NALCN: variants seen among roughly 807,000 people sequenced by gnomAD.
NALCN encodes sodium leak channel NALCN.
NALCN carries 111 observed loss-of-function variants against 225.3 expected under a neutral mutation model. The ratio of observed to expected loss-of-function variants is 0.49; its 90% confidence interval spans 0.42 to 0.58. The LOEUF (loss-of-function observed/expected upper bound fraction) is 0.58. NALCN is among the 20% of genes least tolerant of loss of function. NALCN has a pLI of 0.00. For missense variants in NALCN, 1,378 were observed against 2,202.4 expected (o/e 0.63, Z 7.49); for synonymous variants, 764 against 769.0 (o/e 0.99, Z 0.11).
At chr13:101,156,282 T>C (rs1188415921) in intron 15 of NALCN, among the ~76,000 whole-genome samples, 2 of 152,180 alleles carry the variant, frequency 1.3e-5, no homozygotes, top group Non-Finnish European at 2.9e-5. Context: ...AATTCAGCTC[T>C]AAAGCCAGCC....
At chr13:101,066,077 G>A (rs2032361664) in intron 39 of NALCN, among the ~76,000 whole-genome samples, 1 of 152,132 alleles carries the variant, frequency 6.6e-6, no homozygotes, top group South Asian at 2.1e-4. Context: ...TGTAATCTCA[G>A]CACTTTGGGA....
chr13:101,224,579 G>C (rs1300332281), intron 13 of NALCN, among the ~76,000 whole-genome samples: 1 of 152,080 alleles, frequency 6.6e-6, no homozygotes, highest in African/African-American at 2.4e-5. Context: ...GCTTATCGCT[G>C]TCTTCCTCAG....
intron 17 of NALCN, among the ~76,000 whole-genome samples, chr13:101,142,393 C>T (rs2037130711): frequency 1.3e-5 from 2 of 152,118 alleles, no homozygotes; most frequent in Admixed American, 6.5e-5. Flanking sequence ...CCACCCGCCT[C>T]GGCCTCCCAA....
intron 9 of NALCN, among the ~76,000 whole-genome samples, chr13:101,290,507 G>A (rs148654979): frequency 4.1e-4 from 63 of 152,258 alleles, no homozygotes; most frequent in African/African-American, 1.5e-3. Context: ...TTTCTTGAAG[G>A]CTTTTCTACA....
At chr13:101,126,527 C>G (rs923506700) in intron 17 of NALCN, among the ~76,000 whole-genome samples, 1 of 149,038 alleles carries the variant, frequency 6.7e-6, no homozygotes, top group Non-Finnish European at 1.5e-5. Flanking sequence ...TAGTCTTGCT[C>G]TGCCATCCAG....
chr13:101,265,390 G>A (rs889747980), intron 10 of NALCN, among the ~76,000 whole-genome samples: 1 of 152,118 alleles, frequency 6.6e-6, no homozygotes, highest in African/African-American at 2.4e-5. Context: ...GTGTCCAAAA[G>A]TGTAATGAGA....
At chr13:101,095,757 T>G in intron 27 of NALCN, 77 bp from the exon 28 acceptor site, 2 of 1,222,302 alleles carry the variant, frequency 1.6e-6, no homozygotes, top group Non-Finnish European at 2.3e-6. Context: ...TAGGAAACTC[T>G]TTCTTCTTTC....
chr13:101,308,449 G>C (rs557271402), intron 7 of NALCN, among the ~76,000 whole-genome samples: 11 of 152,206 alleles, frequency 7.2e-5, no homozygotes, highest in Non-Finnish European at 7.3e-5. Context: ...GTTTGGCAGA[G>C]ATGCCACAGA....
At chr13:101,373,421 A>AAATCAAATC (rs1399457880) in intron 6 of NALCN, among the ~76,000 whole-genome samples, 2 of 152,236 alleles carry the variant, frequency 1.3e-5, no homozygotes, top group African/African-American at 2.4e-5. Flanking sequence ...AAACATTAGC[A>AAATCAAATC]AATCAAATCT....
At chr13:101,082,217 CTAAAAA>C (rs1311608815) in intron 33 of NALCN, among the ~76,000 whole-genome samples, 2 of 152,114 alleles carry the variant, frequency 1.3e-5, no homozygotes, top group Non-Finnish European at 2.9e-5. Context: ...CATGTAGTAA[CTAAAAA>C]TAAGAGTTTA....
chr13:101,167,699 T>A (rs2038508178), intron 15 of NALCN, among the ~76,000 whole-genome samples: 1 of 92,304 alleles, frequency 1.1e-5, no homozygotes, highest in Non-Finnish European at 3.0e-5. Flanking sequence ...TTAGTTGGAT[T>A]TGGTGGTGCA....
chr13:101,179,919 C>T (rs762395394), intron 14 of NALCN, among the ~76,000 whole-genome samples: 5 of 152,090 alleles, frequency 3.3e-5, no homozygotes, highest in Non-Finnish European at 5.9e-5. Flanking sequence ...CTCCTCTGTC[C>T]CTCGGCTTGT....
rs142637192 is a variant in NALCN, at chr13:101,180,814, T to C, written c.1765-4440A>G. On this transcript the variant is annotated intron_variant, in intron 14 of 43. Transcript: ENST00000251127. ...TGCCGATGCTCCCAAGTGAGGTGTGTGGGCATCTCCCACGGAAACACGCTT... is the reference window on the plus strand; with the variant it reads ...TGCCGATGCTCCCAAGTGAGGTGTGCGGGCATCTCCCACGGAAACACGCTT... The C allele has an allele frequency of 1.2e-4, 40 of 338,716 alleles. No individual in the cohort carries two copies. In the East Asian group the frequency reaches 1.8e-3, roughly 15 times the overall value. 21.0% of individuals were successfully genotyped at this position (338,716 alleles called of 1,614,324 possible). A position where few individuals can be genotyped will look rare whatever the true frequency, so the allele number is the denominator to read the frequency against.
intron 10 of NALCN, among the ~76,000 whole-genome samples, chr13:101,278,679 T>C (rs1454893097): frequency 6.6e-6 from 1 of 152,186 alleles, no homozygotes. Flanking sequence ...GTCAGGGTTA[T>C]GTCCTGCCAA....
chr13:101,071,628 G>A (rs1424908846), intron 37 of NALCN, among the ~76,000 whole-genome samples: 2 of 152,130 alleles, frequency 1.3e-5, no homozygotes, highest in Non-Finnish European at 2.9e-5. Flanking sequence ...GGCATGTTGT[G>A]GCTAGTCTGA....
At chr13:101,111,051 T>C (rs543316048) in intron 19 of NALCN, 74 bp downstream of exon 19, 1 of 1,455,692 alleles carries the variant, frequency 6.9e-7, no homozygotes, top group East Asian at 2.3e-5. Flanking sequence ...CAGCCGTGAC[T>C]GTGTACAGCG....
intron 7 of NALCN, among the ~76,000 whole-genome samples, chr13:101,339,781 G>A (rs1057293385): frequency 3.3e-5 from 5 of 152,062 alleles, no homozygotes; most frequent in Non-Finnish European, 7.4e-5. Context: ...TCAATGACAC[G>A]GGCTAAATGT....
At chr13:101,311,435 T>C (rs1459127681) in intron 7 of NALCN, among the ~76,000 whole-genome samples, 1 of 138,510 alleles carries the variant, frequency 7.2e-6, no homozygotes, top group East Asian at 2.0e-4. Flanking sequence ...CCCTGTCTTG[T>C]GCCAGTTTTC....
chr13:101,409,998 A>G (rs1457877533), intron 1 of NALCN, among the ~76,000 whole-genome samples: 5 of 152,188 alleles, frequency 3.3e-5, no homozygotes, highest in Non-Finnish European at 7.3e-5. Context: ...TAGCGAATCT[A>G]TAAGAAGAAC....
Sources: allele counts gnomAD v4.1 joint callset (sites outside exome capture counted in the v4.1 genomes callset), GRCh38; gene constraint gnomAD v4.1.1; transcripts MANE v1.5; gene names NCBI Gene and HGNC (gene_info 2026-07-23, HGNC 2026-07-21).